SLC12A7: variants seen among roughly 807,000 people sequenced by gnomAD.
The protein encoded by SLC12A7 is solute carrier family 12 member 7.
SLC12A7 carries 100 observed loss-of-function variants against 120.6 expected under a neutral mutation model. The ratio of observed to expected loss-of-function variants is 0.83; its 90% CI spans 0.71 to 0.98. The LOEUF (loss-of-function observed/expected upper bound fraction) is 0.98, where lower values mean the gene tolerates loss of function less well. Ranked by LOEUF, SLC12A7 falls within the 50% of genes least tolerant of loss-of-function variation. The probability of loss-of-function intolerance (pLI) is 0.00; values close to 1 mark genes in which losing one functional copy is unlikely to be tolerated. For synonymous variants in SLC12A7, 760 were observed against 678.0 expected (o/e 1.12, Z -1.88); for missense variants, 1,373 against 1,548.1 (o/e 0.89, Z 1.90).
rs896428550 is a variant in SLC12A7 at position 1,079,600 on chromosome 5, G to A, written c.1298-104C>T. The A allele has an allele frequency of 9.4e-5, 84 of 892,268 alleles. 1 individual carries two copies. The highest frequency in any genetic ancestry group is 3.5e-4 in the South Asian group (24 of 69,228). The allele number at this position is 892,268 out of a possible 1,614,324, so 55.3% of individuals were successfully genotyped here. ...GAAAGGCGGTCTCTGGGGAGACCCCGAGCGTGAGCTGCAGCCGAGGCTGCA... is the reference window on the plus strand; with the variant it reads ...GAAAGGCGGTCTCTGGGGAGACCCCAAGCGTGAGCTGCAGCCGAGGCTGCA... On this transcript the variant is annotated intron_variant, in intron 9 of 23. Transcript: ENST00000264930.
the SLC12A7 span, among the ~76,000 whole-genome samples, chr5:1,137,004 C>T: frequency 1.3e-5 from 2 of 151,930 alleles, no homozygotes; most frequent in East Asian, 3.9e-4. Context: ...CATGTGCACA[C>T]ACACCAACAG....
At chr5:1,104,383 C>T (rs1359246151) in intron 1 of SLC12A7, among the ~76,000 whole-genome samples, 2 of 152,202 alleles carry the variant, frequency 1.3e-5, no homozygotes, top group Non-Finnish European at 2.9e-5. Context: ...CCCCTGTGCA[C>T]GGGACTTAAA....
chr5:1,136,894 C>G, the SLC12A7 span, among the ~76,000 whole-genome samples: 1 of 148,210 alleles, frequency 6.7e-6, no homozygotes, highest in Non-Finnish European at 1.5e-5. Context: ...CAGCAGGACA[C>G]GCAGGCACAC....
Position 1,086,901 on chromosome 5 carries a change from AC to A in SLC12A7, c.675+1del. Reference sequence around the variant, plus strand: ...GGAACCCTTCCAAAGCAGCACACTTACCAGAAAAATCTCGATGGTCCCCAAA... The same window carrying A: ...GGAACCCTTCCAAAGCAGCACACTTACAGAAAAATCTCGATGGTCCCCAAA... On this transcript the variant is annotated splice_donor_variant, in intron 6 of 23. Transcript: ENST00000264930. LOFTEE classifies it high-confidence loss of function. 6.2e-7 allele frequency: 1 copy of A among 1,612,496 alleles called. No individual in the cohort carries two copies. Among genetic ancestry groups the A allele is most frequent in the Non-Finnish European group, 8.5e-7 (1 of 1,179,672 alleles).
intron 7 of SLC12A7, among the ~76,000 whole-genome samples, chr5:1,084,363 C>T (rs567734843): frequency 3.0e-4 from 46 of 152,218 alleles, no homozygotes; most frequent in Non-Finnish European, 5.7e-4. Flanking sequence ...AACCTCCCCC[C>T]GCGCCAGCAC....
intron 11 of SLC12A7, 23 bp downstream of exon 11, chr5:1,078,678 G>C (rs770632322): frequency 6.2e-7 from 1 of 1,604,318 alleles, no homozygotes; most frequent in African/African-American, 1.3e-5. Context: ...GGCTTTGCAC[G>C]AAAACTGCAG....
chr5:1,058,905 C>T (rs187183625), intron 21 of SLC12A7, among the ~76,000 whole-genome samples: 219 of 152,024 alleles, frequency 1.4e-3, no homozygotes, highest in African/African-American at 5.2e-3. Context: ...TTCTGCAGAG[C>T]GGTGACACCT....
chr5:1,144,263 G>A, the SLC12A7 span, among the ~76,000 whole-genome samples: 10 of 152,334 alleles, frequency 6.6e-5, no homozygotes, highest in Admixed American at 5.2e-4. Flanking sequence ...TGGGGCTTAC[G>A]CCATGCCCAA....
upstream of SLC12A7, among the ~76,000 whole-genome samples, chr5:1,113,887 G>A (rs572986425): frequency 2.0e-5 from 3 of 152,302 alleles, no homozygotes; most frequent in African/African-American, 7.2e-5. Context: ...CGCTATTCCC[G>A]AGGGTTGGAC....
chr5:1,152,163 T>C, the SLC12A7 span, among the ~76,000 whole-genome samples: 1 of 151,756 alleles, frequency 6.6e-6, no homozygotes, highest in South Asian at 2.1e-4. Context: ...CCCCATCACC[T>C]CCCAGCTGGA....
At chr5:1,126,864 G>A in the SLC12A7 span, among the ~76,000 whole-genome samples, 3 of 152,244 alleles carry the variant, frequency 2.0e-5, no homozygotes, top group Non-Finnish European at 2.9e-5. Flanking sequence ...AGGTAGTGGA[G>A]TGGGTTGAGC....
chr5:1,104,687 T>G (rs1228274331), intron 1 of SLC12A7, among the ~76,000 whole-genome samples: 1 of 149,672 alleles, frequency 6.7e-6, no homozygotes, highest in Non-Finnish European at 1.5e-5. Context: ...GGGGTGCGTG[T>G]GGGGTGCGTG....
chr5:1,068,928 T>C (rs574019663), intron 17 of SLC12A7, among the ~76,000 whole-genome samples: 7 of 152,354 alleles, frequency 4.6e-5, no homozygotes, highest in Non-Finnish European at 7.4e-5. Context: ...CCAGGATTCT[T>C]AGAATCCACG....
At chr5:1,137,576 C>T in the SLC12A7 span, among the ~76,000 whole-genome samples, 1 of 152,208 alleles carries the variant, frequency 6.6e-6, no homozygotes, top group Non-Finnish European at 1.5e-5. Flanking sequence ...CCCGAGCAGG[C>T]ACTGAATGAC....
intron 1 of SLC12A7, among the ~76,000 whole-genome samples, chr5:1,111,629 G>A (rs1025265879): frequency 3.3e-5 from 5 of 152,140 alleles, no homozygotes; most frequent in African/African-American, 4.8e-5. Flanking sequence ...CCACACCTCT[G>A]CCCCCGGTCC....
At chr5:1,098,751 A>ACGCC in intron 1 of SLC12A7, among the ~76,000 whole-genome samples, 1 of 86,334 alleles carries the variant, frequency 1.2e-5, no homozygotes. Flanking sequence ...AACCCTCTGC[A>ACGCC]CACCCAGCCC....
chr5:1,079,491 T>A lies in SLC12A7; in HGVS notation c.1303A>T (p.Met435Leu). ...TCCCCGGACCGGTTTGAACCCGCCA[T>A]GATACCTGTGAACATGGAAAATGCT... ...GIYFPSVTGIMAGSNRSGDLK... is the reference protein window; with the variant it reads ...GIYFPSVTGILAGSNRSGDLK... Residue 435 changes from methionine (M) to leucine (L), a missense_variant, in exon 10 of 24, where the codon ATG becomes TTG. Coordinates refer to ENST00000264930, the MANE Select transcript of SLC12A7 (RefSeq NM_006598.3). 1 of 1,612,112 alleles carries A rather than the reference T, an allele frequency of 6.2e-7. No homozygotes were observed. The highest frequency in any genetic ancestry group is 2.2e-5 in the East Asian group (1 of 44,880).
the SLC12A7 span, among the ~76,000 whole-genome samples, chr5:1,127,104 G>T: frequency 6.6e-6 from 1 of 151,960 alleles, no homozygotes; most frequent in African/African-American, 2.4e-5. Flanking sequence ...AACCTCCACC[G>T]CCCAGGTTCA....
chr5:1,064,517 C>T (rs1736705328), intron 18 of SLC12A7, among the ~76,000 whole-genome samples: 1 of 152,246 alleles, frequency 6.6e-6, no homozygotes, highest in South Asian at 2.1e-4. Context: ...TTTCAGATGG[C>T]CGCTCCCAGG....
Sources: allele counts gnomAD v4.1 joint callset (sites outside exome capture counted in the v4.1 genomes callset), GRCh38; gene constraint gnomAD v4.1.1; transcripts MANE v1.5; gene names NCBI Gene and HGNC (gene_info 2026-07-23, HGNC 2026-07-21).